The following FBN2 variants were observed in gnomAD, a reference collection of about 807,000 sequenced individuals.
FBN2 encodes the protein fibrillin 2.
In FBN2, 105 loss-of-function variants were observed where a neutral mutation model predicts 355.6. The ratio of observed to expected loss-of-function variants is 0.30; its 90% CI spans 0.25 to 0.35. The LOEUF (loss-of-function observed/expected upper bound fraction) is 0.35, where lower values mean the gene tolerates loss of function less well. FBN2 is among the 10% of genes least tolerant of loss of function. FBN2 has a pLI of 1.00. For synonymous variants in FBN2, 1,350 were observed against 1,301.2 expected (o/e 1.04, Z -0.81); for missense variants, 3,280 against 3,758.7 (o/e 0.87, Z 3.33).
chr5:128,404,197 A>G lies in FBN2; in HGVS notation c.1078+4477T>C, dbSNP rs1752869870. Among the ~76,000 whole-genome samples the G allele has an allele frequency of 3.9e-5, 6 of 152,372 alleles. No homozygotes were observed. The South Asian group carries it at 1.2e-3, about 32-fold the overall frequency. Reference sequence around the variant, plus strand: ...CCAAATAAATTCAATCTGAGAAAATACAGACTCAGAATTTTAGAAATCAAA... The same window carrying G: ...CCAAATAAATTCAATCTGAGAAAATGCAGACTCAGAATTTTAGAAATCAAA... On this transcript the variant is annotated intron_variant, in intron 8 of 64. Transcript: ENST00000262464.
intron 5 of FBN2, among the ~76,000 whole-genome samples, chr5:128,477,345 T>C (rs962998194): frequency 2.0e-5 from 3 of 152,144 alleles, no homozygotes; most frequent in African/African-American, 7.2e-5. Context: ...TCACAGCATT[T>C]GGTGTAGAGG....
chr5:128,481,826 A>G (rs1274114895), intron 5 of FBN2, among the ~76,000 whole-genome samples: 3 of 152,174 alleles, frequency 2.0e-5, no homozygotes, highest in Non-Finnish European at 4.4e-5. Context: ...TTTCACATTT[A>G]TCATTTTTGA....
Position 128,287,371 on chromosome 5 carries a change from C to G in FBN2, c.6817G>C (p.Gly2273Arg). ...ATCGGGCACGTGCATTCATAGGACC[C>G]AAAAGTGTTCATGCAGCGGAAAGCA... ...LCAFRCMNTF[G>R]SYECTCPIGY... is the part of the protein sequence containing the mutation. Residue 2273 changes from glycine to arginine, a missense_variant, in exon 54 of 65, where the codon GGG becomes CGG. By Grantham distance (125) the Gly-to-Arg change is moderately radical. Around this residue, in one of 6 missense-constraint regions of FBN2, gnomAD observed 2,284 missense variants for 2,749.5 expected, o/e 0.83. Transcript: ENST00000262464. The G allele has an allele frequency of 6.2e-7, 1 of 1,613,990 alleles. No individual in the cohort carries two copies. The highest frequency in any genetic ancestry group is 8.5e-7 in the Non-Finnish European group (1 of 1,179,930).
intron 5 of FBN2, among the ~76,000 whole-genome samples, chr5:128,506,626 A>G (rs1755969762): frequency 6.6e-6 from 1 of 152,124 alleles, no homozygotes; most frequent in South Asian, 2.1e-4. Flanking sequence ...CTCCTTTCCA[A>G]ATACATGACT....
At chr5:128,273,704 A>G (rs1237634444) in intron 61 of FBN2, 136 bp downstream of exon 61, 2 of 845,048 alleles carry the variant, frequency 2.4e-6, no homozygotes, top group Non-Finnish European at 3.8e-6. Context: ...ATTTATGACC[A>G]GGAATAAGTT....
intron 36 of FBN2, among the ~76,000 whole-genome samples, chr5:128,316,838 A>G (rs1750213868): frequency 6.7e-6 from 1 of 149,214 alleles, no homozygotes; most frequent in Non-Finnish European, 1.5e-5. Context: ...CTTTGTTCCA[A>G]GGAGGTTTTT....
In FBN2 at chr5:128,431,362, A is replaced by C. The variant is rs1308650343; in HGVS notation, c.952+15119T>G. Reference sequence around the variant, plus strand: ...TCCATGACCCTCAATGGATGCCTGAAACCATGCATGGTACTGAACCTGATT... The same window carrying C: ...TCCATGACCCTCAATGGATGCCTGACACCATGCATGGTACTGAACCTGATT... On this transcript the variant is annotated intron_variant, in intron 7 of 64. Coordinates refer to ENST00000262464, the MANE Select transcript of FBN2 (RefSeq NM_001999.4). Among the ~76,000 whole-genome samples the C allele has an allele frequency of 3.3e-5, 5 of 152,294 alleles. No homozygotes were observed. In the East Asian group the frequency reaches 5.8e-4, roughly 18 times the overall value.
intron 5 of FBN2, among the ~76,000 whole-genome samples, chr5:128,477,241 T>C (rs1163495133): frequency 6.6e-6 from 1 of 152,208 alleles, no homozygotes; most frequent in Admixed American, 6.5e-5. Flanking sequence ...GCTACTGTCC[T>C]GGACGGCACA....
In FBN2 at chr5:128,364,632, T is replaced by C. The variant is rs752999272; in HGVS notation, c.2396A>G (p.Tyr799Cys). ...GSYRCNCNSG[Y>C]EPDASGRNCI... Reference sequence around the variant, plus strand: ...GTTTCTTCCAGAGGCATCTGGTTCATAGCCACTGTTGCAATTACAACGGTA... The same window carrying C: ...GTTTCTTCCAGAGGCATCTGGTTCACAGCCACTGTTGCAATTACAACGGTA... The change falls in exon 18 of 65, where the codon TAT (tyrosine) becomes TGT (cysteine). Residue 799 changes from tyrosine (Y) to cysteine (C), a missense_variant. Transcript: ENST00000262464. 3 of 1,613,548 alleles carry C rather than the reference T, an allele frequency of 1.9e-6. No individual in the cohort carries two copies. The highest frequency in any genetic ancestry group is 1.1e-5 in the South Asian group (1 of 91,066).
At chr5:128,444,517 C>T (rs1754015307) in intron 7 of FBN2, among the ~76,000 whole-genome samples, 1 of 152,212 alleles carries the variant, frequency 6.6e-6, no homozygotes, top group Non-Finnish European at 1.5e-5. Context: ...ACTACTTCTT[C>T]CAATTCTGCT....
At chr5:128,275,904 G>C in intron 59 of FBN2, 134 bp downstream of exon 59, 1 of 970,018 alleles carries the variant, frequency 1.0e-6, no homozygotes, top group South Asian at 1.3e-5. Flanking sequence ...TTTTCTATGA[G>C]CAATAACATG....
chr5:128,306,981 C>A (rs17839648), intron 42 of FBN2, among the ~76,000 whole-genome samples, 154 bp downstream of exon 42: 1 of 152,126 alleles, frequency 6.6e-6, no homozygotes, highest in Admixed American at 6.5e-5. Flanking sequence ...TGGTTAGAGT[C>A]TGTAAGCCTG....
rs867495265 is a variant in FBN2 at position 128,435,440 on chromosome 5, T to C, written c.952+11041A>G. Among the ~76,000 whole-genome samples the C allele has an allele frequency of 5.3e-5, 8 of 152,346 alleles. 1 individual carries two copies. In the Middle Eastern group the frequency reaches 0.02, roughly 389 times the overall value. On this transcript the variant is annotated intron_variant, in intron 7 of 64. Transcript: ENST00000262464. ...CATCACTGAAATTACACATCAGAACTCTTCCACAATTAATTTCTTTGCTAT... is the reference window on the plus strand; with the variant it reads ...CATCACTGAAATTACACATCAGAACCCTTCCACAATTAATTTCTTTGCTAT...
At position 128,283,135 on chromosome 5, in the gene FBN2, G is replaced by A. The variant is rs376610264; in HGVS notation, c.7013-2818C>T. ...TTTCTCCAAGGCCAGCTCTTGCACC[G>A]GTACTCTAGATTGCCTTCCCAGATT... On this transcript the variant is annotated intron_variant, in intron 55 of 64. Transcript: ENST00000262464. Among the ~76,000 whole-genome samples, 4 of 152,064 alleles carry A rather than the reference G, an allele frequency of 2.6e-5. No individual in the cohort carries two copies. The East Asian group carries it at 7.7e-4, about 29-fold the overall frequency.
chr5:128,374,775 A>G (rs943300801), intron 14 of FBN2, 25 bp from the exon 15 acceptor site: 6 of 1,613,608 alleles, frequency 3.7e-6, no homozygotes, highest in Non-Finnish European at 5.1e-6. Flanking sequence ...ACAGAAGCCA[A>G]GCAGTTACTG....
intron 64 of FBN2, 52 bp downstream of exon 64, chr5:128,261,684 A>G (rs1192736345): frequency 4.5e-6 from 7 of 1,567,706 alleles, no homozygotes; most frequent in African/African-American, 1.4e-5. Context: ...CACTGTATAC[A>G]TGACTCCGTA....
chr5:128,288,331 C>T (rs997195915), intron 53 of FBN2, 107 bp downstream of exon 53: 76 of 1,343,406 alleles, frequency 5.7e-5, no homozygotes, highest in East Asian at 4.4e-4. Context: ...AAAACCCCAC[C>T]GTATGCTCAC....
In FBN2 at chr5:128,309,354, C is replaced by T. The variant is rs1749970193; in HGVS notation, c.5246G>A (p.Cys1749Tyr). ...CACATTGAAAGGCAACTCATTCTCA[C>T]AAGTGGTTCCATTATAGCTTCGGTA... ...FCYRSYNGTT[C>Y]ENELPFNVTK... The change falls in exon 41 of 65, where the codon TGT (cysteine) becomes TAT (tyrosine). Residue 1749 changes from cysteine (C) to tyrosine (Y), a missense_variant. Cys to Tyr is a radical substitution (Grantham distance 194, BLOSUM62 -2). Transcript: ENST00000262464. 1.2e-6 allele frequency: 2 copies of T among 1,614,082 alleles called. No homozygotes were observed. Among genetic ancestry groups the T allele is most frequent in the Admixed American group, 1.7e-5 (1 of 60,014 alleles).
chr5:128,497,157 G>A (rs1168845109), intron 5 of FBN2, among the ~76,000 whole-genome samples: 1 of 152,178 alleles, frequency 6.6e-6, no homozygotes, highest in East Asian at 1.9e-4. Context: ...AGATGGGAGT[G>A]AGGTACAGAA....
Sources: gnomAD v4.1 joint callset for allele counts (sites outside exome capture counted in the v4.1 genomes callset) on GRCh38, gnomAD v4.1.1 for gene constraint, gnomAD v4.1.1 regional missense constraint, MANE v1.5 for transcripts, NCBI Gene and HGNC (gene_info 2026-07-23, HGNC 2026-07-21) for gene names.